SLAIN2: variants seen among roughly 807,000 people sequenced by gnomAD.
The protein encoded by SLAIN2 is SLAIN motif-containing protein 2.
In SLAIN2, 31 loss-of-function variants were observed where a neutral mutation model predicts 56.6. The observed-to-expected ratio is 0.55, with a 90% CI of 0.41 to 0.74. SLAIN2 has a LOEUF of 0.74. SLAIN2 is among the 30% of genes least tolerant of loss of function. The probability of loss-of-function intolerance (pLI) is 0.00; values close to 1 mark genes in which losing one functional copy is unlikely to be tolerated. For missense variants in SLAIN2, 777 were observed against 754.2 expected (o/e 1.03, Z -0.35); for synonymous variants, 317 against 284.9 (o/e 1.11, Z -1.13).
Position 48,420,145 on chromosome 4 carries a change from C to T in SLAIN2, c.1381C>T (p.Arg461Cys), listed in dbSNP as rs1403906218. Residue 461 changes from arginine (R) to cysteine (C), a missense_variant, in exon 7 of 8, where the codon CGT (arginine) becomes TGT (cysteine). Arg to Cys is a radical substitution (Grantham distance 180). Coordinates refer to ENST00000264313, the MANE Select transcript of SLAIN2 (RefSeq NM_020846.2). The stretch of plus-strand genomic sequence containing the variant: ...CACAGTACCTTCTCCAGGCAAATTC[C>T]GTTCCCCTGCAGCACCATCTCCTTT... ...ASAIPSPGKF[R>C]SPAAPSPLAL... 5.0e-6 allele frequency: 8 copies of T among 1,613,830 alleles called. No individual in the cohort carries two copies. The highest frequency in any genetic ancestry group is 1.1e-5 in the South Asian group (1 of 91,078).
chr4:48,388,676 T>C (rs1207348695), intron 6 of SLAIN2, among the ~76,000 whole-genome samples: 2 of 152,240 alleles, frequency 1.3e-5, no homozygotes, highest in Non-Finnish European at 2.9e-5. Flanking sequence ...CTGAGTCTCC[T>C]ATTTTCCTCT....
intron 6 of SLAIN2, among the ~76,000 whole-genome samples, chr4:48,404,877 T>C (rs1397928214): frequency 3.3e-5 from 5 of 152,190 alleles, no homozygotes; most frequent in Non-Finnish European, 7.4e-5. Flanking sequence ...TGAGTCAAAA[T>C]GCTGCTGCCG....
In SLAIN2 at chr4:48,383,626, A is replaced by T. The variant is rs371357670; in HGVS notation, c.1223-21A>T. The T allele has an allele frequency of 6.9e-5, 102 of 1,481,792 alleles. 1 individual carries two copies. Among genetic ancestry groups the T allele is most frequent in the Middle Eastern group, 3.6e-4 (2 of 5,630 alleles). The allele number at this position is 1,481,792 out of a possible 1,614,324, so 91.8% of individuals were successfully genotyped here. ...CCATCTGAAAGAATATGATTTTTTT[A>T]AAATTAAAATTCTGTTGCAGAAAAA... On this transcript the variant is annotated intron_variant, in intron 5 of 7. Coordinates refer to ENST00000264313, the MANE Select transcript of SLAIN2 (RefSeq NM_020846.2).
At position 48,420,350 on chromosome 4, in the gene SLAIN2, C is replaced by G. The variant is rs1717116099; in HGVS notation, c.1586C>G (p.Thr529Arg). 1.2e-6 allele frequency: 2 copies of G among 1,613,890 alleles called. No homozygotes were observed. Among genetic ancestry groups the G allele is most frequent in the African/African-American group, 1.3e-5 (1 of 74,926 alleles). ...GCTACTCTAACCAGACCTGCAGGGACAACTGCAATGAGAAGTGGCTTGCCC... is the reference window on the plus strand; with the variant it reads ...GCTACTCTAACCAGACCTGCAGGGAGAACTGCAATGAGAAGTGGCTTGCCC... ...NSATLTRPAG[T>R]TAMRSGLPRP... is the part of the protein sequence containing the mutation. Residue 529 changes from threonine (T) to arginine (R), a missense_variant, in exon 7 of 8, where the codon ACA becomes AGA. Coordinates refer to ENST00000264313, the MANE Select transcript of SLAIN2 (RefSeq NM_020846.2).
At chr4:48,354,653 G>A (rs1032820257) in intron 1 of SLAIN2, among the ~76,000 whole-genome samples, 15 of 151,922 alleles carry the variant, frequency 9.9e-5, no homozygotes, top group African/African-American at 3.4e-4. Context: ...TTTTAGTAGC[G>A]ATGGGTTTTC....
intron 4 of SLAIN2, among the ~76,000 whole-genome samples, chr4:48,381,629 C>A (rs1365040413): frequency 6.6e-6 from 1 of 152,124 alleles, no homozygotes; most frequent in Non-Finnish European, 1.5e-5. Context: ...TAAGTGGACT[C>A]CAGGAATTTA....
intron 6 of SLAIN2, among the ~76,000 whole-genome samples, chr4:48,410,850 A>G (rs1224480887): frequency 6.6e-6 from 1 of 152,188 alleles, no homozygotes; most frequent in Non-Finnish European, 1.5e-5. Context: ...TCACATCTTC[A>G]TTCGGGGCTT....
At chr4:48,384,008 T>C (rs766193998) in intron 6 of SLAIN2, among the ~76,000 whole-genome samples, 18 of 152,228 alleles carry the variant, frequency 1.2e-4, no homozygotes, top group Non-Finnish European at 2.5e-4. Flanking sequence ...CATCTGTCTA[T>C]ACAAAACTCT....
chr4:48,420,041 C>T (rs1433407096), intron 6 of SLAIN2, 84 bp from the exon 7 acceptor site: 2 of 1,331,158 alleles, frequency 1.5e-6, no homozygotes, highest in Non-Finnish European at 2.1e-6. Flanking sequence ...GTACTAGTGC[C>T]CAATCATCAG....
At chr4:48,385,643 T>TG (rs908541356) in intron 6 of SLAIN2, among the ~76,000 whole-genome samples, 24 of 151,924 alleles carry the variant, frequency 1.6e-4, no homozygotes, top group Non-Finnish European at 2.5e-4. Flanking sequence ...TTTTTCTTTT[T>TG]TTTTTGATTG....
chr4:48,366,418 A>G (rs983371211), intron 1 of SLAIN2, among the ~76,000 whole-genome samples: 2 of 152,184 alleles, frequency 1.3e-5, no homozygotes, highest in Non-Finnish European at 2.9e-5. Context: ...TTGAAACCCC[A>G]AAACAAAATT....
intron 6 of SLAIN2, among the ~76,000 whole-genome samples, chr4:48,386,391 T>C (rs1577725838): frequency 6.6e-6 from 1 of 152,218 alleles, no homozygotes; most frequent in African/African-American, 2.4e-5. Flanking sequence ...TTGATTCATC[T>C]TGAGCACTGG....
chr4:48,367,081 T>A (rs1715541085), intron 1 of SLAIN2, among the ~76,000 whole-genome samples: 4 of 152,326 alleles, frequency 2.6e-5, no homozygotes, highest in Non-Finnish European at 4.4e-5. Context: ...TAATGAGAGT[T>A]TACTTAGGAT....
intron 6 of SLAIN2, among the ~76,000 whole-genome samples, chr4:48,403,497 C>T (rs1454976282): frequency 6.6e-6 from 1 of 152,178 alleles, no homozygotes. Flanking sequence ...GGCACAGCAG[C>T]TGTGCTGCAT....
intron 6 of SLAIN2, among the ~76,000 whole-genome samples, chr4:48,412,716 A>C (rs1010407570): frequency 1.3e-5 from 2 of 152,186 alleles, no homozygotes; most frequent in African/African-American, 4.8e-5. Context: ...ACATTTAATA[A>C]ATTTTTCTAA....
chr4:48,363,634 C>A (rs1577714548), intron 1 of SLAIN2, among the ~76,000 whole-genome samples: 1 of 101,788 alleles, frequency 9.8e-6, no homozygotes, highest in African/African-American at 3.8e-5. Flanking sequence ...CCCCCCACCT[C>A]CCTCCCGGAC....
intron 1 of SLAIN2, among the ~76,000 whole-genome samples, chr4:48,357,397 C>A (rs1260260229): frequency 1.3e-5 from 2 of 150,996 alleles, no homozygotes; most frequent in Non-Finnish European, 3.0e-5. Context: ...CCTCCTGTTT[C>A]AAGAGACAGG....
intron 1 of SLAIN2, among the ~76,000 whole-genome samples, chr4:48,349,275 G>T (rs1714948841): frequency 2.6e-5 from 4 of 152,296 alleles, no homozygotes; most frequent in Middle Eastern, 6.8e-3. Context: ...TTATGTTTCT[G>T]AACAGGACCA....
Position 48,379,673 on chromosome 4 carries a change from C to A in SLAIN2, c.704-17C>A. Reference sequence around the variant, plus strand: ...GCTTTACCAGAGTTTGAATTTTTTTCTTTTTTTTTTTTTAAGGTAACTTGA... The same window carrying A: ...GCTTTACCAGAGTTTGAATTTTTTTATTTTTTTTTTTTTAAGGTAACTTGA... On this transcript the variant is annotated splice_polypyrimidine_tract_variant and intron_variant, in intron 3 of 7. Transcript: ENST00000264313. The A allele has an allele frequency of 8.7e-7, 1 of 1,144,592 alleles. No homozygotes were observed. The highest frequency in any genetic ancestry group is 1.1e-6 in the Non-Finnish European group (1 of 871,000). 70.9% of individuals were successfully genotyped at this position (1,144,592 alleles called of 1,614,324 possible). A position where few individuals can be genotyped will look rare whatever the true frequency, so the allele number is the denominator to read the frequency against.
Sources: allele counts gnomAD v4.1 joint callset (sites outside exome capture counted in the v4.1 genomes callset), GRCh38; gene constraint gnomAD v4.1.1; transcripts MANE v1.5; gene names NCBI Gene and HGNC (gene_info 2026-07-23, HGNC 2026-07-21).